The following PHEX variants were observed in gnomAD, a reference collection of about 807,000 sequenced individuals.
The protein encoded by PHEX is phosphate-regulating neutral endopeptidase PHEX.
PHEX carries 16 observed loss-of-function variants against 68.0 expected under a neutral mutation model. The observed-to-expected ratio is 0.24, with a 90% CI of 0.16 to 0.36. The LOEUF (loss-of-function observed/expected upper bound fraction) is 0.36. PHEX is among the 10% of genes least tolerant of loss of function. The pLI is 1.00. For synonymous variants in PHEX, 208 were observed against 205.1 expected, an observed-to-expected ratio of 1.01 and a Z score of -0.12; for missense variants, 480 against 575.5, an observed-to-expected ratio of 0.83 and a Z score of 1.70.
rs1335205888 is a variant in PHEX, at chrX:22,249,182, A to G, written c.*1229A>G. The G allele has an allele frequency of 2.0e-5, 2 of 98,236 alleles. No homozygotes were observed. Among genetic ancestry groups the G allele is most frequent in the Non-Finnish European group, 4.0e-5 (2 of 49,787 alleles). 8.1% of individuals were successfully genotyped at this position (98,236 alleles called of 1,213,427 possible). A position where few individuals can be genotyped will look rare whatever the true frequency, so the allele number is the denominator to read the frequency against. ...TTTATCCTTAGAGCATTATCCTTCT[A>G]AGTGAACTCCTTTCTTATTACTGAG... On this transcript the variant is annotated 3_prime_UTR_variant, in exon 22 of 22. Transcript: ENST00000379374.
rs149722687 is a variant in PHEX at position 22,204,022 on chromosome X, G to C, written c.1646-8882G>C. Among the ~76,000 whole-genome samples, 840 of 111,503 alleles carry C rather than the reference G, an allele frequency of 7.5e-3. 7 individuals carry two copies. Among genetic ancestry groups the C allele is most frequent in the African/African-American group, 0.025 (765 of 30,650 alleles). On this transcript the variant is annotated intron_variant, in intron 15 of 21. Transcript: ENST00000379374. Reference sequence around the variant, plus strand: ...CCAGAGATGGTGACTTAATAGGTTTGAGGCAGGGGCTTGGACATAGATATT... The same window carrying C: ...CCAGAGATGGTGACTTAATAGGTTTCAGGCAGGGGCTTGGACATAGATATT...
At chrX:22,240,082 T>C (rs1295481272) in intron 20 of PHEX, among the ~76,000 whole-genome samples, 1 of 112,101 alleles carries the variant, frequency 8.9e-6, no homozygotes, top group Non-Finnish European at 1.9e-5. Context: ...AGGGGGCAAG[T>C]ATTCAACAAT....
At chrX:22,104,256 G>A (rs1930566496) in intron 9 of PHEX, among the ~76,000 whole-genome samples, 1 of 111,477 alleles carries the variant, frequency 9.0e-6, no homozygotes. Context: ...CTGAGTGGCT[G>A]TGGGGACAGT....
intron 1 of PHEX, among the ~76,000 whole-genome samples, chrX:22,035,362 A>G (rs1285211905): frequency 9.0e-6 from 1 of 111,646 alleles, no homozygotes; most frequent in Non-Finnish European, 1.9e-5. Context: ...TTTTTCTGCC[A>G]AGAGCCAGAT....
intron 14 of PHEX, among the ~76,000 whole-genome samples, chrX:22,185,759 T>TTTTGTTTTTTG (rs1226240912): frequency 3.2e-4 from 22 of 68,043 alleles, no homozygotes; most frequent in Middle Eastern, 8.3e-3. Flanking sequence ...GTTTGTGGTT[T>TTTTGTTTTTTG]TTTTTTTTTT....
chrX:22,114,424 A>G (rs1367952267), intron 10 of PHEX, 34 bp from the exon 11 acceptor site: 6 of 1,193,364 alleles, frequency 5.0e-6, no homozygotes, highest in Non-Finnish European at 1.1e-6. Flanking sequence ...TTTTATCCAA[A>G]TGAAGTTTAA....
Position 22,243,996 on chromosome X carries a change from C to A in PHEX, c.2071-1337C>A, listed in dbSNP as rs186350140. Among the ~76,000 whole-genome samples the A allele has an allele frequency of 2.7e-5, 3 of 111,852 alleles. No individual in the cohort carries two copies. In the East Asian group the frequency reaches 8.4e-4, roughly 31 times the overall value. ...ACACCATGCATACGTATGTTTATTG[C>A]GGCACTGTTCACAATAGCAAAGACT... On this transcript the variant is annotated intron_variant, in intron 20 of 21. Transcript: ENST00000379374.
intron 13 of PHEX, among the ~76,000 whole-genome samples, chrX:22,176,093 A>G (rs1443118207): frequency 1.8e-5 from 2 of 111,480 alleles, no homozygotes; most frequent in African/African-American, 6.5e-5. Flanking sequence ...AATATAATCA[A>G]TTATAAGATT....
chrX:22,152,862 C>T (rs1387461552), intron 12 of PHEX, among the ~76,000 whole-genome samples: 1 of 111,853 alleles, frequency 8.9e-6, no homozygotes, highest in East Asian at 2.8e-4. Flanking sequence ...AGTATTTGTG[C>T]ACTTTGTACG....
At chrX:22,057,129 T>C (rs1328138346) in intron 3 of PHEX, among the ~76,000 whole-genome samples, 3 of 112,145 alleles carry the variant, frequency 2.7e-5, no homozygotes, top group African/African-American at 9.7e-5. Flanking sequence ...CTCACCTGTT[T>C]CTTTTTACTT....
In PHEX at chrX:22,156,504, A is replaced by G. The variant is rs1038783165; in HGVS notation, c.1405-11808A>G. Among the ~76,000 whole-genome samples, 25 of 106,169 alleles carry G rather than the reference A, an allele frequency of 2.4e-4. 1 individual carries two copies. Among genetic ancestry groups the G allele is most frequent in the African/African-American group, 9.2e-4 (25 of 27,199 alleles). The allele number at this position is 106,169 out of a possible 115,157, so 92.2% of individuals were successfully genotyped here. ...GCTCAAAATAGTCCTTTGCTACAGT[A>G]GCATATTCCGGACCAATAAAACTTT... On this transcript the variant is annotated intron_variant, in intron 12 of 21. Coordinates refer to ENST00000379374, the MANE Select transcript of PHEX (RefSeq NM_000444.6).
At chrX:22,138,989 C>G (rs1325697181) in intron 12 of PHEX, among the ~76,000 whole-genome samples, 1 of 111,691 alleles carries the variant, frequency 9.0e-6, no homozygotes, top group Non-Finnish European at 1.9e-5. Context: ...CTCTCACTGG[C>G]CTCAACAGGA....
chrX:22,106,123 G>A (rs1411532372), intron 9 of PHEX, among the ~76,000 whole-genome samples: 4 of 111,260 alleles, frequency 3.6e-5, no homozygotes, highest in African/African-American at 1.3e-4. Context: ...AAGGACTGTT[G>A]CTGACTGTGA....
intron 6 of PHEX, among the ~76,000 whole-genome samples, chrX:22,093,713 G>A (rs750597619): frequency 3.6e-5 from 4 of 111,436 alleles, no homozygotes; most frequent in East Asian, 5.6e-4. Flanking sequence ...CCATAATATC[G>A]ACGGTTGCCA....
At chrX:22,037,295 T>A (rs1927072806) in intron 1 of PHEX, among the ~76,000 whole-genome samples, 1 of 110,606 alleles carries the variant, frequency 9.0e-6, no homozygotes, top group South Asian at 3.9e-4. Flanking sequence ...TCTACAGGTC[T>A]TCCATCTCTA....
chrX:22,141,433 A>G (rs1932453493), intron 12 of PHEX, among the ~76,000 whole-genome samples: 1 of 111,865 alleles, frequency 8.9e-6, no homozygotes, highest in African/African-American at 3.2e-5. Context: ...TCCAAAGTTT[A>G]CATTATGGCT....
chrX:22,155,619 T>C (rs965943818), intron 12 of PHEX, among the ~76,000 whole-genome samples: 11 of 112,440 alleles, frequency 9.8e-5, no homozygotes, highest in African/African-American at 3.6e-4. Flanking sequence ...ATTTATTTCA[T>C]AGTATTTATT....
intron 15 of PHEX, among the ~76,000 whole-genome samples, chrX:22,202,251 T>C (rs189411643): frequency 5.3e-5 from 6 of 112,204 alleles, no homozygotes; most frequent in Admixed American, 2.8e-4. Flanking sequence ...TAGTGTTCAA[T>C]TGAGAAAACA....
At chrX:22,124,767 A>G (rs1931645053) in intron 11 of PHEX, among the ~76,000 whole-genome samples, 1 of 112,286 alleles carries the variant, frequency 8.9e-6, no homozygotes, top group African/African-American at 3.2e-5. Context: ...TCTTATGAAT[A>G]TATACCTTTA....
Sources: allele counts gnomAD v4.1 joint callset (sites outside exome capture counted in the v4.1 genomes callset), GRCh38; gene constraint gnomAD v4.1.1; transcripts MANE v1.5; gene names NCBI Gene and HGNC (gene_info 2026-07-23, HGNC 2026-07-21).